PTGIS: variants seen among roughly 807,000 people sequenced by gnomAD.
The protein encoded by PTGIS is prostaglandin I2 synthase.
PTGIS carries 45 observed loss-of-function variants against 50.3 expected under a neutral mutation model. That is an observed-to-expected ratio of 0.90 (90% CI 0.70 to 1.15). PTGIS has a LOEUF of 1.15. Ranked by LOEUF, PTGIS falls within the 50% of genes most tolerant of loss-of-function variation. The pLI, the probability that PTGIS is intolerant of heterozygous loss-of-function variation, is 0.00. For synonymous variants in PTGIS, 260 were observed against 267.7 expected, an observed-to-expected ratio of 0.97 and a Z score of 0.28; for missense variants, 668 against 661.3, an observed-to-expected ratio of 1.01 and a Z score of -0.11.
intron 9 of PTGIS, among the ~76,000 whole-genome samples, chr20:49,509,877 CTTTCTTTT>C (rs909563495): frequency 1.4e-4 from 16 of 115,196 alleles, no homozygotes; most frequent in African/African-American, 6.0e-4. Flanking sequence ...TTCTTTCTTT[CTTTCTTTT>C]TTTTTTTTTT....
intron 9 of PTGIS, among the ~76,000 whole-genome samples, chr20:49,510,453 A>C (rs1262770968): frequency 6.6e-6 from 1 of 152,162 alleles, no homozygotes; most frequent in African/African-American, 2.4e-5. Context: ...GTATAGTTAT[A>C]ATCAGAACCC....
At chr20:49,523,978 C>G in intron 6 of PTGIS, 80 bp downstream of exon 6, 1 of 1,524,236 alleles carries the variant, frequency 6.6e-7, no homozygotes, top group Non-Finnish European at 9.0e-7. Context: ...CACAGGTGCA[C>G]AGACATGCAC....
chr20:49,507,566 G>C lies in PTGIS; in HGVS notation c.*354C>G, dbSNP rs1198595656. On this transcript the variant is annotated 3_prime_UTR_variant, in exon 10 of 10. Transcript: ENST00000244043. ...CATGCTAGCTCATAAGAACTAGGAA[G>C]GTGACACCTCCGGGAGTTGGGGGCA... The C allele has an allele frequency of 2.6e-6, 1 of 382,006 alleles. No homozygotes were observed. 23.7% of individuals were successfully genotyped at this position (382,006 alleles called of 1,614,324 possible).
chr20:49,547,793 G>C (rs765186484), intron 3 of PTGIS, 48 bp downstream of exon 3: 3 of 1,594,390 alleles, frequency 1.9e-6, no homozygotes, highest in East Asian at 2.2e-5. Context: ...GAGTAGAAAT[G>C]AGTCGCCCAC....
At chr20:49,509,057 G>A (rs1981239477) in intron 9 of PTGIS, among the ~76,000 whole-genome samples, 1 of 152,240 alleles carries the variant, frequency 6.6e-6, no homozygotes. Context: ...AGAGAGGGGA[G>A]TTAACACTCT....
Position 49,544,295 on chromosome 20 carries a change from A to C in PTGIS, c.521+10T>G. On this transcript the variant is annotated intron_variant, in intron 4 of 9. Coordinates refer to ENST00000244043, the MANE Select transcript of PTGIS (RefSeq NM_000961.4). ...GCCCCAGCAGGAGGGTGGGGGCTGC[A>C]CAGCCTCACCTGAGCAGGAAGCTGT... The C allele has an allele frequency of 6.2e-7, 1 of 1,614,022 alleles. No individual in the cohort carries two copies. The highest frequency in any genetic ancestry group is 8.5e-7 in the Non-Finnish European group (1 of 1,179,994).
At chr20:49,547,737 CT>C (rs1384063359) in intron 3 of PTGIS, 103 bp downstream of exon 3, 42 of 1,326,038 alleles carry the variant, frequency 3.2e-5, no homozygotes, top group Non-Finnish European at 4.4e-5. Context: ...GACAAAATGT[CT>C]TTACCGAACA....
intron 1 of PTGIS, among the ~76,000 whole-genome samples, chr20:49,554,796 T>TC (rs1982586569): frequency 2.0e-5 from 3 of 152,182 alleles, no homozygotes; most frequent in African/African-American, 7.2e-5. Context: ...TGAAGCATTA[T>TC]CCCACCCTTT....
At chr20:49,512,022 T>C (rs963435561) in intron 8 of PTGIS, among the ~76,000 whole-genome samples, 1 of 151,804 alleles carries the variant, frequency 6.6e-6, no homozygotes, top group African/African-American at 2.4e-5. Flanking sequence ...AATGGGTGGA[T>C]GGACATATGA....
intron 6 of PTGIS, among the ~76,000 whole-genome samples, chr20:49,523,498 A>C (rs932341570): frequency 1.3e-5 from 2 of 152,060 alleles, no homozygotes; most frequent in African/African-American, 4.8e-5. Context: ...AAAACAAAAA[A>C]CAAAAAACAA....
intron 1 of PTGIS, among the ~76,000 whole-genome samples, chr20:49,560,840 G>A (rs910824645): frequency 3.3e-5 from 5 of 152,214 alleles, no homozygotes; most frequent in East Asian, 1.9e-4. Flanking sequence ...TGTGGACCAC[G>A]AGGGCCAAGG....
At chr20:49,510,968 G>A (rs1413056608) in intron 9 of PTGIS, 60 bp downstream of exon 9, 4 of 1,543,228 alleles carry the variant, frequency 2.6e-6, no homozygotes, top group East Asian at 2.2e-5. Context: ...CAGGAGAGAA[G>A]GGCGCCTGCC....
chr20:49,541,288 G>C (rs1982219903), intron 4 of PTGIS, among the ~76,000 whole-genome samples: 1 of 151,862 alleles, frequency 6.6e-6, no homozygotes, highest in Non-Finnish European at 1.5e-5. Flanking sequence ...AGGCCACTGC[G>C]GTACTCCCAA....
chr20:49,538,257 A>G (rs945788670), intron 5 of PTGIS, among the ~76,000 whole-genome samples: 19 of 85,760 alleles, frequency 2.2e-4, no homozygotes, highest in East Asian at 1.0e-3. Flanking sequence ...CCTGGTTCAG[A>G]AAAAAAAAAA....
At chr20:49,508,092 A>G in intron 9 of PTGIS, 28 bp from the exon 10 acceptor site, 2 of 1,612,954 alleles carry the variant, frequency 1.2e-6, no homozygotes, top group South Asian at 1.1e-5. Flanking sequence ...GGAAGGTGTG[A>G]AGGAGAGGAG....
At chr20:49,539,224 T>G (rs1982159023) in intron 5 of PTGIS, among the ~76,000 whole-genome samples, 2 of 152,116 alleles carry the variant, frequency 1.3e-5, no homozygotes, top group Admixed American at 1.3e-4. Context: ...TGTAAATTAT[T>G]CTATATGGCT....
intron 1 of PTGIS, among the ~76,000 whole-genome samples, chr20:49,567,707 C>G (rs979504557): frequency 6.6e-6 from 1 of 152,216 alleles, no homozygotes; most frequent in Non-Finnish European, 1.5e-5. Context: ...GGCTCCCCAC[C>G]CACAAACCCT....
chr20:49,513,229 C>G lies in PTGIS; in HGVS notation c.1057G>C (p.Ala353Pro). 6.2e-7 allele frequency: 1 copy of G among 1,613,916 alleles called. No individual in the cohort carries two copies. Among genetic ancestry groups the G allele is most frequent in the Non-Finnish European group, 8.5e-7 (1 of 1,180,024 alleles). The change falls in exon 8 of 10, where the codon GCT (alanine) becomes CCT (proline). Residue 353 changes from alanine (A) to proline (P), a missense_variant. Transcript: ENST00000244043. ...ACCTCGCGGGTGATGAAGGGGGCAGCTGTAAGCCTGAGGCTCTCACTCAGC... is the reference window on the plus strand; with the variant it reads ...ACCTCGCGGGTGATGAAGGGGGCAGGTGTAAGCCTGAGGCTCTCACTCAGC... ...SVLSESLRLT[A>P]APFITREVVV...
chr20:49,536,462 CTTTCTTTCTTTCTTTCTTTTTTTTTT>C (rs1246607374), intron 5 of PTGIS, among the ~76,000 whole-genome samples: 4 of 132,524 alleles, frequency 3.0e-5, no homozygotes, highest in African/African-American at 1.2e-4. Flanking sequence ...TCTTTTCTTT[CTTTCTTTCTTTCTTTCTTTTTTTTTT>C]TTTTTTTTTT....
Sources: allele counts gnomAD v4.1 joint callset (sites outside exome capture counted in the v4.1 genomes callset), GRCh38; gene constraint gnomAD v4.1.1; transcripts MANE v1.5; gene names NCBI Gene and HGNC (gene_info 2026-07-23, HGNC 2026-07-21).